Variants in SPPL3 observed in about 807,000 individuals in gnomAD.
SPPL3 encodes the protein signal peptide peptidase like 3.
Under a neutral mutation model 42.4 loss-of-function variants are expected in SPPL3, and 5 were observed. The ratio of observed to expected loss-of-function variants is 0.12; its 90% CI spans 0.06 to 0.25. The LOEUF is 0.25. Ranked by LOEUF, SPPL3 falls within the 10% of genes least tolerant of loss-of-function variation. The pLI is 1.00. For missense variants in SPPL3, 235 were observed against 489.0 expected (o/e 0.48, Z 4.90); for synonymous variants, 195 against 181.8 (o/e 1.07, Z -0.58).
chr12:120,889,424 T>C (rs2137064269), intron 1 of SPPL3, among the ~76,000 whole-genome samples: 1 of 152,362 alleles, frequency 6.6e-6, no homozygotes, highest in Middle Eastern at 3.4e-3. Flanking sequence ...CCATATGACT[T>C]GCTTTGGCCA....
At chr12:120,813,204 A>G (rs947569465) in intron 1 of SPPL3, among the ~76,000 whole-genome samples, 1 of 151,984 alleles carries the variant, frequency 6.6e-6, no homozygotes, top group Non-Finnish European at 1.5e-5. Flanking sequence ...GGAAAGACTG[A>G]TGCATACAGA....
At position 120,904,073 on chromosome 12, in the gene SPPL3, C is replaced by A. The variant is rs1157578363; in HGVS notation, c.-206G>T. 8.1e-5 allele frequency: 27 copies of A among 333,984 alleles called. No individual in the cohort carries two copies. The highest frequency in any genetic ancestry group is 1.4e-4 in the Non-Finnish European group (27 of 188,296). The allele number at this position is 333,984 out of a possible 1,614,324, so 20.7% of individuals were successfully genotyped here. ...CGGCCCCGCTCCCTGGGCCCCGGGG[C>A]GGGGCGGGCTCCGCTCTCGGCCTCC... On this transcript the variant is annotated 5_prime_UTR_variant, in exon 1 of 11. Transcript: ENST00000353487.
intron 1 of SPPL3, among the ~76,000 whole-genome samples, chr12:120,883,623 T>C (rs1437875744): frequency 1.3e-5 from 2 of 151,956 alleles, no homozygotes; most frequent in African/African-American, 4.8e-5. Context: ...TCAGAACAGA[T>C]AAATAATGTG....
intron 1 of SPPL3, among the ~76,000 whole-genome samples, chr12:120,895,427 C>T (rs1172586449): frequency 4.4e-5 from 6 of 135,574 alleles, no homozygotes; most frequent in South Asian, 4.7e-4. Context: ...AACTCCATCT[C>T]AAAAAAAAAA....
intron 1 of SPPL3, among the ~76,000 whole-genome samples, chr12:120,889,015 T>C (rs1171357333): frequency 2.0e-5 from 3 of 152,060 alleles, no homozygotes; most frequent in East Asian, 1.9e-4. Flanking sequence ...GGTTTCGTCA[T>C]GTTGGCGAGG....
intron 1 of SPPL3, among the ~76,000 whole-genome samples, chr12:120,858,881 CA>C: frequency 6.6e-6 from 1 of 152,216 alleles, no homozygotes; most frequent in South Asian, 2.1e-4. Context: ...TATAAGCAGC[CA>C]AACTATGAAG....
chr12:120,820,072 T>C (rs1422109201), intron 1 of SPPL3, among the ~76,000 whole-genome samples: 3 of 152,202 alleles, frequency 2.0e-5, no homozygotes, highest in Admixed American at 6.5e-5. Context: ...ATTTCGGGAA[T>C]TGCTGCCTTC....
intron 6 of SPPL3, among the ~76,000 whole-genome samples, chr12:120,776,604 G>A (rs1205964806): frequency 1.3e-5 from 2 of 151,902 alleles, no homozygotes; most frequent in East Asian, 3.9e-4. Context: ...CATACTATTA[G>A]TAAACAGGCA....
chr12:120,809,359 CA>C (rs200536809), intron 2 of SPPL3, among the ~76,000 whole-genome samples: 1 of 151,084 alleles, frequency 6.6e-6, no homozygotes, highest in African/African-American at 2.4e-5. Flanking sequence ...AAAAAAACAC[CA>C]AAAAAAACCT....
intron 6 of SPPL3, among the ~76,000 whole-genome samples, chr12:120,774,730 G>A (rs1869250655): frequency 6.6e-6 from 1 of 151,836 alleles, no homozygotes. Context: ...CTTTCATTCT[G>A]TCATTCAAGT....
intron 2 of SPPL3, among the ~76,000 whole-genome samples, chr12:120,795,272 G>A (rs1870060211): frequency 6.6e-6 from 1 of 152,048 alleles, no homozygotes; most frequent in Non-Finnish European, 1.5e-5. Flanking sequence ...TTACACAACT[G>A]TAAATAGAAA....
At chr12:120,842,557 C>T (rs1871867217) in intron 1 of SPPL3, among the ~76,000 whole-genome samples, 1 of 152,072 alleles carries the variant, frequency 6.6e-6, no homozygotes. Context: ...TTTCTTCCAG[C>T]TCTAGAGACA....
chr12:120,882,817 TAGG>T (rs1873334322), intron 1 of SPPL3, among the ~76,000 whole-genome samples: 2 of 152,104 alleles, frequency 1.3e-5, no homozygotes, highest in Admixed American at 6.5e-5. Context: ...TGCTTGAGGC[TAGG>T]AGTTCAAGGT....
intron 1 of SPPL3, among the ~76,000 whole-genome samples, chr12:120,844,307 C>A (rs1294498855): frequency 1.3e-5 from 2 of 152,158 alleles, no homozygotes; most frequent in South Asian, 2.1e-4. Flanking sequence ...GTTATTAGCA[C>A]CCTAATTCAA....
intron 3 of SPPL3, among the ~76,000 whole-genome samples, chr12:120,785,603 A>G (rs896327863): frequency 6.6e-6 from 1 of 152,126 alleles, no homozygotes; most frequent in Non-Finnish European, 1.5e-5. Context: ...CTTCCAAATT[A>G]ACTCTATTGA....
intron 1 of SPPL3, among the ~76,000 whole-genome samples, chr12:120,843,641 A>G (rs1368209352): frequency 1.3e-5 from 2 of 152,174 alleles, no homozygotes; most frequent in Non-Finnish European, 2.9e-5. Flanking sequence ...TATCTTAGAA[A>G]GTCCAATGGT....
intron 1 of SPPL3, among the ~76,000 whole-genome samples, chr12:120,881,613 AT>A (rs1441022496): frequency 6.6e-6 from 1 of 150,954 alleles, no homozygotes; most frequent in Non-Finnish European, 1.5e-5. Flanking sequence ...ACCAATATTC[AT>A]TGTATTACTC....
chr12:120,835,890 T>A (rs879064298), intron 1 of SPPL3, among the ~76,000 whole-genome samples: 1 of 152,232 alleles, frequency 6.6e-6, no homozygotes, highest in Admixed American at 6.5e-5. Context: ...TTAGATTTGG[T>A]TGGTAACTTA....
chr12:120,792,653 T>C (rs891256948), intron 2 of SPPL3, among the ~76,000 whole-genome samples: 12 of 146,642 alleles, frequency 8.2e-5, no homozygotes, highest in African/African-American at 2.1e-4. Context: ...TGAGCCAAGA[T>C]TGCGCCACTG....
Sources: allele counts gnomAD v4.1 joint callset (sites outside exome capture counted in the v4.1 genomes callset), GRCh38; gene constraint gnomAD v4.1.1; transcripts MANE v1.5; gene names NCBI Gene and HGNC (gene_info 2026-07-23, HGNC 2026-07-21).